The following PUDP variants were observed in gnomAD, a reference collection of about 807,000 sequenced individuals.
The protein encoded by PUDP is pseudouridine 5'-phosphatase.
Under a neutral mutation model 9.4 loss-of-function variants are expected in PUDP, and 8 were observed. The observed-to-expected ratio is 0.85, with a 90% CI of 0.50 to 1.53. The LOEUF (loss-of-function observed/expected upper bound fraction) is 1.53, where lower values mean the gene tolerates loss of function less well. PUDP is among the 40% of genes most tolerant of loss of function. The pLI, the probability that PUDP is intolerant of heterozygous loss-of-function variation, is 0.00. For synonymous variants in PUDP, 99 were observed against 80.7 expected, an observed-to-expected ratio of 1.23 and a Z score of -1.22; for missense variants, 188 against 189.7, an observed-to-expected ratio of 0.99 and a Z score of 0.05.
At chrX:6,951,344 C>T (rs1032335723) in intron 3 of PUDP, among the ~76,000 whole-genome samples, 1 of 110,310 alleles carries the variant, frequency 9.1e-6, no homozygotes. Context: ...ATCTATCGAG[C>T]CATCCAACAA....
intron 3 of PUDP, among the ~76,000 whole-genome samples, chrX:6,914,606 C>T (rs180954717): frequency 8.9e-6 from 1 of 112,103 alleles, no homozygotes; most frequent in East Asian, 2.8e-4. Flanking sequence ...ACAATGGTGG[C>T]CGTCTAGAAA....
intron 3 of PUDP, among the ~76,000 whole-genome samples, chrX:6,884,953 CA>C (rs1476835625): frequency 9.0e-6 from 1 of 111,532 alleles, no homozygotes; most frequent in Non-Finnish European, 1.9e-5. Context: ...TAAGTGAGCA[CA>C]AAACCAAAAA....
intron 3 of PUDP, among the ~76,000 whole-genome samples, chrX:6,788,681 G>A (rs1165472487): frequency 8.9e-6 from 1 of 112,080 alleles, no homozygotes; most frequent in East Asian, 2.8e-4. Flanking sequence ...CTGCAGCCTG[G>A]GCAACAGAGC....
chrX:6,743,110 G>T (rs2146666069), intron 3 of PUDP, among the ~76,000 whole-genome samples: 1 of 111,716 alleles, frequency 9.0e-6, no homozygotes, highest in East Asian at 2.8e-4. Flanking sequence ...ACATCATGCT[G>T]CAACTTCTTG....
intron 3 of PUDP, among the ~76,000 whole-genome samples, chrX:7,060,688 C>CA (rs1276900257): frequency 5.3e-5 from 6 of 112,666 alleles, no homozygotes; most frequent in African/African-American, 1.6e-4. Context: ...TGGCATGACT[C>CA]ACGTCAATGC....
rs1245196922 is a variant in PUDP, at chrX:6,814,812, C to T, written c.*248-108346G>A. Among the ~76,000 whole-genome samples the T allele has an allele frequency of 3.6e-5, 4 of 111,606 alleles. No homozygotes were observed. The East Asian group carries it at 1.1e-3, about 32-fold the overall frequency. ...TGTTACTCCTCTTTTTAAAAATTTT[C>T]AGCACAACCAAAAATGCCCTTAAAA... On this transcript the variant is annotated intron_variant and NMD_transcript_variant, in intron 3 of 3. Transcript: ENST00000655425.
chrX:6,870,888 A>T (rs556513494), intron 3 of PUDP, among the ~76,000 whole-genome samples: 1 of 111,395 alleles, frequency 9.0e-6, no homozygotes, highest in African/African-American at 3.3e-5. Context: ...CCCAGGCTGG[A>T]GTGCACTGGT....
chrX:7,120,824 A>G (rs1294983222), intron 1 of PUDP, among the ~76,000 whole-genome samples: 2 of 112,622 alleles, frequency 1.8e-5, no homozygotes, highest in Non-Finnish European at 3.7e-5. Flanking sequence ...AGGCATAAAA[A>G]CTACTGGTAC....
chrX:6,720,178 G>A (rs551956649), intron 1 of PUDP, among the ~76,000 whole-genome samples: 1 of 99,457 alleles, frequency 1.0e-5, no homozygotes, highest in South Asian at 4.7e-4. Flanking sequence ...ATATATATGT[G>A]TGTATATACA....
intron 1 of PUDP, among the ~76,000 whole-genome samples, chrX:7,137,426 A>G (rs1264282171): frequency 9.1e-6 from 1 of 109,435 alleles, no homozygotes; most frequent in East Asian, 2.9e-4. Flanking sequence ...GGGCACCTGC[A>G]GTCCCAGCTT....
intron 1 of PUDP, among the ~76,000 whole-genome samples, chrX:6,993,630 C>T (rs1414679026): frequency 2.7e-5 from 3 of 112,082 alleles, no homozygotes; most frequent in Non-Finnish European, 5.6e-5. Flanking sequence ...GATTTGATAA[C>T]AGGCCATTTT....
At chrX:6,957,837 G>A (rs1327251626) in intron 3 of PUDP, among the ~76,000 whole-genome samples, 1 of 112,051 alleles carries the variant, frequency 8.9e-6, no homozygotes, top group African/African-American at 3.2e-5. Flanking sequence ...TTAAGTGGTG[G>A]TGATCACAAT....
intron 3 of PUDP, among the ~76,000 whole-genome samples, chrX:6,895,781 G>A (rs921800761): frequency 2.7e-5 from 3 of 111,552 alleles, no homozygotes; most frequent in African/African-American, 6.5e-5. Flanking sequence ...TAAAGAAAAC[G>A]GACGTTTATT....
intron 3 of PUDP, among the ~76,000 whole-genome samples, chrX:6,768,479 C>T (rs998636234): frequency 2.7e-5 from 3 of 111,887 alleles, no homozygotes; most frequent in Non-Finnish European, 3.8e-5. Flanking sequence ...ATGATAATTT[C>T]GGACTCAGGA....
At chrX:7,134,951 A>C (rs1702986432) in intron 1 of PUDP, among the ~76,000 whole-genome samples, 1 of 112,404 alleles carries the variant, frequency 8.9e-6, no homozygotes, top group Admixed American at 9.5e-5. Context: ...CAAGAGTTAA[A>C]AGGTTGCCAA....
rs144932561 is a variant in PUDP, at chrX:6,719,812, T to C, written n.128+1605A>G. On this transcript the variant is annotated intron_variant and non_coding_transcript_variant, in intron 1 of 2. Transcript: ENST00000438499. ...TTTTCTCAATTAATATTCTTTAAGA[T>C]GAATTTTGAAGTGGATGTTTCACAA... is the stretch of plus-strand genomic sequence containing the variant. 2.9e-3 allele frequency among the ~76,000 whole-genome samples: 325 copies of C among 112,179 alleles called. 2 individuals carry two copies. Among genetic ancestry groups the C allele is most frequent in the African/African-American group, 9.8e-3 (303 of 30,901 alleles).
chrX:7,054,069 G>C (rs1930172239), intron 3 of PUDP, among the ~76,000 whole-genome samples: 1 of 112,087 alleles, frequency 8.9e-6, no homozygotes, highest in South Asian at 3.8e-4. Context: ...TAAGCATGAA[G>C]AGTGGCGAAA....
chrX:6,854,895 TAAAG>T (rs911002212), intron 3 of PUDP, among the ~76,000 whole-genome samples: 5 of 111,090 alleles, frequency 4.5e-5, no homozygotes, highest in Admixed American at 1.9e-4. Flanking sequence ...GGTTAAAGGT[TAAAG>T]AAAGTTAAAG....
chrX:6,821,825 C>A (rs1193641959), intron 3 of PUDP, among the ~76,000 whole-genome samples: 1 of 111,928 alleles, frequency 8.9e-6, no homozygotes, highest in Admixed American at 9.4e-5. Context: ...ATGGAGCCTC[C>A]GTCTTCCCTT....
Sources: allele counts gnomAD v4.1 joint callset (sites outside exome capture counted in the v4.1 genomes callset), GRCh38; gene constraint gnomAD v4.1.1; transcripts MANE v1.5; gene names NCBI Gene and HGNC (gene_info 2026-07-23, HGNC 2026-07-21).